Variants in VAT1L observed in about 807,000 individuals in gnomAD.
VAT1L encodes the protein vesicle amine transport 1 like, also known as putative NADPH-dependent quinone oxidoreductase VAT1L.
In VAT1L, 34 loss-of-function variants were observed where a neutral mutation model predicts 44.1. The ratio of observed to expected loss-of-function variants is 0.77; its 90% CI spans 0.59 to 1.03. VAT1L has a LOEUF of 1.03. Among genes scored for constraint, VAT1L ranks in the 50% least tolerant of loss-of-function variants. The pLI is 0.00. For synonymous variants in VAT1L, 253 were observed against 202.2 expected (o/e 1.25, Z -2.13); for missense variants, 615 against 538.8 (o/e 1.14, Z -1.40).
At chr16:77,910,414 T>A (rs1293398975) in intron 7 of VAT1L, among the ~76,000 whole-genome samples, 1 of 152,150 alleles carries the variant, frequency 6.6e-6, no homozygotes, top group African/African-American at 2.4e-5. Flanking sequence ...GGCTCATGCC[T>A]GTAATCCCAG....
chr16:77,852,923 G>T (rs946149517), intron 3 of VAT1L, among the ~76,000 whole-genome samples: 24 of 152,294 alleles, frequency 1.6e-4, no homozygotes, highest in African/African-American at 3.9e-4. Flanking sequence ...ACCTCATAAA[G>T]GTTGTGATGA....
intron 7 of VAT1L, among the ~76,000 whole-genome samples, chr16:77,956,189 C>T (rs1428461346): frequency 1.3e-5 from 2 of 152,024 alleles, no homozygotes; most frequent in Admixed American, 6.6e-5. Context: ...TCATGTACCC[C>T]ATAAATATAC....
At chr16:77,901,238 A>G (rs1161909234) in intron 7 of VAT1L, among the ~76,000 whole-genome samples, 2 of 133,768 alleles carry the variant, frequency 1.5e-5, no homozygotes. Flanking sequence ...ATCTCAGCTC[A>G]CTGCAAGCTC....
intron 7 of VAT1L, among the ~76,000 whole-genome samples, chr16:77,967,119 A>G (rs1366103088): frequency 6.6e-6 from 1 of 152,086 alleles, no homozygotes; most frequent in Non-Finnish European, 1.5e-5. Context: ...TCTTTTGTGC[A>G]GACTTTGCTT....
intron 7 of VAT1L, among the ~76,000 whole-genome samples, chr16:77,951,822 C>T (rs390934): frequency 0.94 from 142,238 of 150,808 alleles, 67,638 homozygotes; most frequent in Middle Eastern, 1. Context: ...TGTTTTACAA[C>T]TTTTAAAAGT....
intron 7 of VAT1L, among the ~76,000 whole-genome samples, chr16:77,896,780 TCTG>T: frequency 6.6e-6 from 1 of 152,136 alleles, no homozygotes; most frequent in Non-Finnish European, 1.5e-5. Flanking sequence ...TTGTTAGGAG[TCTG>T]GGAGCTCAGC....
chr16:77,961,378 C>T lies in VAT1L; in HGVS notation c.1078-10472C>T, dbSNP rs1370204170. On this transcript the variant is annotated intron_variant, in intron 7 of 8. Coordinates refer to ENST00000302536, the MANE Select transcript of VAT1L (RefSeq NM_020927.3). ...CTTCCAGTCTTTCTCCTTCCTCCCTCGGATCTGTTCACCTTCTTGTTCCCT... is the reference window on the plus strand; with the variant it reads ...CTTCCAGTCTTTCTCCTTCCTCCCTTGGATCTGTTCACCTTCTTGTTCCCT... Among the ~76,000 whole-genome samples the T allele has an allele frequency of 3.3e-5, 5 of 152,282 alleles. No individual in the cohort carries two copies. In the East Asian group the frequency reaches 9.7e-4, roughly 29 times the overall value.
rs181233340 is a variant in VAT1L, at chr16:77,947,033, G to T, written c.1078-24817G>T. On this transcript the variant is annotated intron_variant, in intron 7 of 8. Coordinates refer to ENST00000302536, the MANE Select transcript of VAT1L (RefSeq NM_020927.3). The stretch of plus-strand genomic sequence containing the variant: ...TGGCAACACAGCCTCAAGGCTGATA[G>T]ATATTCCTTGCCACTTAGAGGAAAA... 3.3e-3 allele frequency among the ~76,000 whole-genome samples: 506 copies of T among 152,332 alleles called. 5 individuals are homozygous for T. The highest frequency in any genetic ancestry group is 5.9e-3 in the Non-Finnish European group (401 of 68,034).
intron 7 of VAT1L, among the ~76,000 whole-genome samples, chr16:77,921,558 C>G (rs1044550103): frequency 3.9e-5 from 6 of 152,186 alleles, no homozygotes; most frequent in Non-Finnish European, 7.3e-5. Flanking sequence ...GATATGCACT[C>G]TCCTGTAAAC....
chr16:77,886,269 T>C (rs1270905516), intron 7 of VAT1L, among the ~76,000 whole-genome samples: 1 of 152,182 alleles, frequency 6.6e-6, no homozygotes, highest in East Asian at 1.9e-4. Flanking sequence ...CAGACACCCA[T>C]ATGGTATTCA....
At chr16:77,916,067 A>G (rs1597097153) in intron 7 of VAT1L, among the ~76,000 whole-genome samples, 2 of 152,308 alleles carry the variant, frequency 1.3e-5, no homozygotes, top group African/African-American at 4.8e-5. Flanking sequence ...ATTCCCTGGC[A>G]CTTCTGGCCT....
At position 77,833,233 on chromosome 16, in the gene VAT1L, G is replaced by C. The variant is rs185569172; in HGVS notation, c.579+7772G>C. On this transcript the variant is annotated intron_variant, in intron 3 of 8. Coordinates refer to ENST00000302536, the MANE Select transcript of VAT1L (RefSeq NM_020927.3). The stretch of plus-strand genomic sequence containing the variant: ...TCTCTTCTTTCAATGAGAAGCCCTA[G>C]ACATTGATGGGCGTATAAATCAAAT... Among the ~76,000 whole-genome samples the C allele has an allele frequency of 1.3e-4, 20 of 152,290 alleles. No homozygotes were observed. The East Asian group carries it at 3.5e-3, about 26-fold the overall frequency.
In VAT1L at chr16:77,884,562, AC is replaced by A; in HGVS notation, c.883-42del. The A allele has an allele frequency of 1.3e-6, 2 of 1,578,416 alleles. No individual in the cohort carries two copies. The highest frequency in any genetic ancestry group is 1.7e-6 in the Non-Finnish European group (2 of 1,160,172). The stretch of plus-strand genomic sequence containing the variant: ...CAGCAATGCTGCCAATGTAGGCTTA[AC>A]CCCGGTATTGAGTTCCTATAACCCA... On this transcript the variant is annotated intron_variant, in intron 6 of 8. Coordinates refer to ENST00000302536, the MANE Select transcript of VAT1L (RefSeq NM_020927.3). This position sits in a 1 kb window ranked among gnomAD's most constrained non-coding sequence, Gnocchi z 4.5.
At chr16:77,794,614 G>A (rs2015895161) in intron 1 of VAT1L, among the ~76,000 whole-genome samples, 1 of 152,178 alleles carries the variant, frequency 6.6e-6, no homozygotes, top group Admixed American at 6.5e-5. Flanking sequence ...GATATTCCCT[G>A]TGTTTATTCA....
At chr16:77,955,510 A>C (rs1362653168) in intron 7 of VAT1L, among the ~76,000 whole-genome samples, 1 of 152,194 alleles carries the variant, frequency 6.6e-6, no homozygotes, top group African/African-American at 2.4e-5. Flanking sequence ...AGATTGCTTG[A>C]GGTCAGGTGT....
In VAT1L at chr16:77,946,916, G is replaced by A. The variant is rs551825691; in HGVS notation, c.1078-24934G>A. Reference sequence around the variant, plus strand: ...GGCTATCCATCCCTAGTTGGCCTCTGAGCAGGAATGGAAAGTTGCTGGAAG... The same window carrying A: ...GGCTATCCATCCCTAGTTGGCCTCTAAGCAGGAATGGAAAGTTGCTGGAAG... On this transcript the variant is annotated intron_variant, in intron 7 of 8. Coordinates refer to ENST00000302536, the MANE Select transcript of VAT1L (RefSeq NM_020927.3). 3.9e-5 allele frequency among the ~76,000 whole-genome samples: 6 copies of A among 152,288 alleles called. No homozygotes were observed. In the East Asian group the frequency reaches 1.2e-3, roughly 29 times the overall value.
intron 6 of VAT1L, among the ~76,000 whole-genome samples, chr16:77,882,574 C>T (rs1214643722): frequency 6.6e-6 from 1 of 152,318 alleles, no homozygotes; most frequent in East Asian, 1.9e-4. Context: ...AAATTGAGCA[C>T]AGAGAAGTTA....
intron 1 of VAT1L, among the ~76,000 whole-genome samples, chr16:77,809,888 A>C (rs1306484473): frequency 1.2e-4 from 19 of 152,252 alleles, no homozygotes; most frequent in Admixed American, 1.2e-3. Context: ...CTTAGTAACC[A>C]GGAACGGGGC....
chr16:77,874,828 A>T (rs2017070398), intron 4 of VAT1L, among the ~76,000 whole-genome samples: 1 of 148,558 alleles, frequency 6.7e-6, no homozygotes, highest in Admixed American at 6.8e-5. Flanking sequence ...TTTAATGAAC[A>T]AATTAATTTG....
Sources: allele counts gnomAD v4.1 joint callset (sites outside exome capture counted in the v4.1 genomes callset), GRCh38; gene constraint gnomAD v4.1.1; non-coding constraint Gnocchi (gnomAD v3.1); transcripts MANE v1.5; gene names NCBI Gene and HGNC (gene_info 2026-07-23, HGNC 2026-07-21).